ITPK1: variants seen among roughly 807,000 people sequenced by gnomAD.
The protein encoded by ITPK1 is inositol 1,3,4-trisphosphate 5/6-kinase.
Under a neutral mutation model 45.3 loss-of-function variants are expected in ITPK1, and 21 were observed. The ratio of observed to expected loss-of-function variants is 0.46; its 90% CI spans 0.33 to 0.67. The LOEUF (loss-of-function observed/expected upper bound fraction) is 0.67, where lower values mean the gene tolerates loss of function less well. Among genes scored for constraint, ITPK1 ranks in the 30% least tolerant of loss-of-function variants. The pLI, the probability that ITPK1 is intolerant of heterozygous loss-of-function variation, is 0.02. For synonymous variants in ITPK1, 258 were observed against 253.6 expected, an observed-to-expected ratio of 1.02 and a Z score of -0.16; for missense variants, 474 against 573.5, an observed-to-expected ratio of 0.83 and a Z score of 1.77.
chr14:92,979,065 T>C (rs1289996468), intron 5 of ITPK1, among the ~76,000 whole-genome samples: 1 of 152,210 alleles, frequency 6.6e-6, no homozygotes, highest in African/African-American at 2.4e-5. Flanking sequence ...CCAAGTCTTG[T>C]GAGCCCATCC....
At chr14:93,094,468 T>G (rs1051039460) in intron 2 of ITPK1, among the ~76,000 whole-genome samples, 33 of 152,308 alleles carry the variant, frequency 2.2e-4, no homozygotes, top group African/African-American at 7.9e-4. Flanking sequence ...AGCTGTCAGC[T>G]GGACGTGGCC....
chr14:92,948,767 A>T (rs1417959410), intron 9 of ITPK1, among the ~76,000 whole-genome samples: 3 of 144,052 alleles, frequency 2.1e-5, no homozygotes, highest in Non-Finnish European at 4.5e-5. Context: ...CCAGGGAGGG[A>T]AGCGCTGAGC....
At chr14:92,962,650 G>T in intron 6 of ITPK1, 101 bp downstream of exon 6, 1 of 934,758 alleles carries the variant, frequency 1.1e-6, no homozygotes, top group Non-Finnish European at 1.8e-6. Context: ...TCCATCCTCG[G>T]GTGAGCTTAA....
chr14:92,957,613 T>A (rs1884808898), intron 8 of ITPK1, among the ~76,000 whole-genome samples: 1 of 152,160 alleles, frequency 6.6e-6, no homozygotes, highest in African/African-American at 2.4e-5. Flanking sequence ...CCCACGGGAC[T>A]CCTAGACCAC....
intron 4 of ITPK1, among the ~76,000 whole-genome samples, chr14:93,007,514 G>A (rs72706407): frequency 6.6e-6 from 1 of 152,328 alleles, no homozygotes; most frequent in Non-Finnish European, 1.5e-5. Context: ...AGTGTCTGCA[G>A]GGAGAGAACA....
At chr14:93,031,298 G>A (rs369488629) in intron 3 of ITPK1, among the ~76,000 whole-genome samples, 25 of 152,234 alleles carry the variant, frequency 1.6e-4, no homozygotes, top group East Asian at 1.2e-3. Context: ...GTGGGGGCAC[G>A]ATTGGAGTCA....
intron 3 of ITPK1, among the ~76,000 whole-genome samples, chr14:93,038,077 G>T (rs1388895045): frequency 6.6e-6 from 1 of 150,388 alleles, no homozygotes; most frequent in Non-Finnish European, 1.5e-5. Context: ...TTTTGAGATG[G>T]AGCCTTGCTC....
At chr14:93,041,973 C>T (rs916882421) in intron 3 of ITPK1, among the ~76,000 whole-genome samples, 5 of 152,168 alleles carry the variant, frequency 3.3e-5, no homozygotes, top group African/African-American at 7.2e-5. Context: ...CTGTGTCCCC[C>T]GCGGTGTCTA....
chr14:92,962,641 C>T, intron 6 of ITPK1, 110 bp downstream of exon 6: 1 of 886,816 alleles, frequency 1.1e-6, no homozygotes, highest in Non-Finnish European at 1.9e-6. Context: ...ATGTGCTCAT[C>T]CATCCTCGGG....
intron 7 of ITPK1, among the ~76,000 whole-genome samples, chr14:92,959,882 A>G (rs1333290211): frequency 6.6e-6 from 1 of 152,158 alleles, no homozygotes; most frequent in Non-Finnish European, 1.5e-5. Context: ...AGAGGCCGGG[A>G]GTGCGCGGGC....
chr14:92,980,997 C>T (rs1014477896), intron 5 of ITPK1, among the ~76,000 whole-genome samples: 9 of 152,170 alleles, frequency 5.9e-5, no homozygotes, highest in African/African-American at 4.8e-5. Flanking sequence ...CATGAGCCAC[C>T]GCACCCGGCC....
intron 5 of ITPK1, among the ~76,000 whole-genome samples, chr14:92,966,711 A>C (rs1167115041): frequency 6.6e-6 from 1 of 152,248 alleles, no homozygotes; most frequent in African/African-American, 2.4e-5. Context: ...AGCTACAGTA[A>C]TTGAGGCAAT....
chr14:92,961,804 T>C (rs1231151466), intron 7 of ITPK1, among the ~76,000 whole-genome samples: 3 of 151,458 alleles, frequency 2.0e-5, no homozygotes. Context: ...CTTTGGGAGG[T>C]CTTGAGGGCA....
intron 5 of ITPK1, among the ~76,000 whole-genome samples, chr14:92,963,914 G>A (rs926496182): frequency 1.4e-4 from 21 of 152,118 alleles, no homozygotes; most frequent in South Asian, 6.2e-4. Flanking sequence ...TGAGCGGGGC[G>A]GGGGCGGTCT....
intron 2 of ITPK1, among the ~76,000 whole-genome samples, chr14:93,111,393 A>C (rs990023633): frequency 1.3e-5 from 2 of 151,640 alleles, no homozygotes; most frequent in African/African-American, 4.8e-5. Flanking sequence ...TAATTTCTTC[A>C]CTCCCCCTCT....
chr14:92,963,533 C>G (rs538786751), intron 5 of ITPK1, among the ~76,000 whole-genome samples: 69 of 152,092 alleles, frequency 4.5e-4, no homozygotes, highest in African/African-American at 1.6e-3. Flanking sequence ...CTCCCCACCA[C>G]GCTCACTGCA....
chr14:93,050,071 G>A (rs1296827998), intron 3 of ITPK1, among the ~76,000 whole-genome samples: 12 of 152,146 alleles, frequency 7.9e-5, no homozygotes, highest in South Asian at 2.1e-4. Context: ...TGGCCTTCCC[G>A]GGGCAAAACA....
In ITPK1 at chr14:93,012,278, C is replaced by T. The variant is rs1887950315; in HGVS notation, c.246+4398G>A. Among the ~76,000 whole-genome samples the T allele has an allele frequency of 6.6e-6, 1 of 152,200 alleles. No individual in the cohort carries two copies. Among genetic ancestry groups the T allele is most frequent in the Non-Finnish European group, 1.5e-5 (1 of 68,032 alleles). The stretch of plus-strand genomic sequence containing the variant: ...TAAAGAATTACGAACTTCCGAAGGG[C>T]ATGAAGGAAAAGTGCAAAGTTGGCA... On this transcript the variant is annotated intron_variant, in intron 4 of 10. Transcript: ENST00000267615. The surrounding 1 kb of genome is among the most constrained non-coding windows in gnomAD (Gnocchi z 4.9).
chr14:93,031,847 C>T (rs144868430), intron 3 of ITPK1, among the ~76,000 whole-genome samples: 2 of 152,304 alleles, frequency 1.3e-5, no homozygotes, highest in Admixed American at 6.5e-5. Context: ...CTGGCAGCCC[C>T]GGCCACAAGT....
Sources: gnomAD v4.1 joint callset for allele counts (sites outside exome capture counted in the v4.1 genomes callset) on GRCh38, gnomAD v4.1.1 for gene constraint, Gnocchi (gnomAD v3.1) non-coding constraint, MANE v1.5 for transcripts, NCBI Gene and HGNC (gene_info 2026-07-23, HGNC 2026-07-21) for gene names.